The following MCM8 variants were observed in gnomAD, a reference collection of about 807,000 sequenced individuals.
MCM8 encodes minichromosome maintenance 8 homologous recombination repair factor.
MCM8 carries 85 observed loss-of-function variants against 98.9 expected under a neutral mutation model. The ratio of observed to expected loss-of-function variants is 0.86; its 90% CI spans 0.72 to 1.03. The LOEUF (loss-of-function observed/expected upper bound fraction) is 1.03, where lower values mean the gene tolerates loss of function less well. Ranked by LOEUF, MCM8 falls within the 50% of genes least tolerant of loss-of-function variation. The pLI is 0.00. For missense variants in MCM8, 951 were observed against 997.8 expected, an observed-to-expected ratio of 0.95 and a Z score of 0.63; for synonymous variants, 352 against 338.6, an observed-to-expected ratio of 1.04 and a Z score of -0.44.
chr20:5,963,685 G>A (rs1022939990), intron 8 of MCM8, among the ~76,000 whole-genome samples: 15 of 151,944 alleles, frequency 9.9e-5, no homozygotes, highest in Middle Eastern at 3.4e-3. Context: ...CCACCACAAT[G>A]CCTGGCTAAT....
intron 3 of MCM8, 120 bp from the exon 4 acceptor site, chr20:5,954,488 C>G (rs1287715612): frequency 2.0e-6 from 1 of 508,306 alleles, no homozygotes; most frequent in Admixed American, 3.4e-5. Context: ...TGAATGTAAT[C>G]AAAATACAAA....
At chr20:5,978,707 G>C (rs574762918) in intron 13 of MCM8, among the ~76,000 whole-genome samples, 1 of 152,098 alleles carries the variant, frequency 6.6e-6, no homozygotes, top group African/African-American at 2.4e-5. Flanking sequence ...ACAGGTGTGC[G>C]TGACCACATC....
chr20:5,991,617 T>C (rs558919126), intron 17 of MCM8: 8 of 152,370 alleles, frequency 5.3e-5, no homozygotes, highest in Non-Finnish European at 8.8e-5. Context: ...CCTGACACTA[T>C]GTTCATGGTA....
intron 7 of MCM8, among the ~76,000 whole-genome samples, chr20:5,961,537 G>A (rs1354445803): frequency 6.6e-6 from 1 of 152,208 alleles, no homozygotes; most frequent in Non-Finnish European, 1.5e-5. Context: ...ATAATCAGTG[G>A]TGTTGATAGA....
Position 5,993,592 on chromosome 20 carries a change from C to G in MCM8, c.2327C>G (p.Ala776Gly). Residue 776 changes from alanine to glycine, a missense_variant, in exon 18 of 19, where the codon GCG becomes GGG. Physicochemically the swap from Ala to Gly is moderately conservative, Grantham distance 60. Transcript: ENST00000610722. The part of the protein sequence containing the change: ...HGSGMSNRST[A>G]KRFISALNNV... The stretch of plus-strand genomic sequence containing the variant: ...TCTGGAATGAGCAACAGGTCAACAG[C>G]GAAAAGATTTATTTCTGCTCTCAAC... 2 of 1,612,244 alleles carry G rather than the reference C, an allele frequency of 1.2e-6. No homozygotes were observed. The highest frequency in any genetic ancestry group is 1.7e-6 in the Non-Finnish European group (2 of 1,178,736).
intron 8 of MCM8, chr20:5,965,469 CTTA>C (rs938378464): frequency 2.0e-5 from 3 of 152,140 alleles, no homozygotes; most frequent in Admixed American, 1.3e-4. Context: ...CTGGTAAGTC[CTTA>C]TTATGGCGGT....
At chr20:5,958,007 TC>T (rs200713657) in intron 6 of MCM8, among the ~76,000 whole-genome samples, 4 of 152,042 alleles carry the variant, frequency 2.6e-5, no homozygotes, top group Admixed American at 2.0e-4. Flanking sequence ...TCCTTAAATT[TC>T]TTTTTTCTTT....
rs1258984273 is a variant in MCM8 at position 5,977,982 on chromosome 20, C to T, written c.1502C>T (p.Ala501Val). ...AAAGATAGTTCCTCTGGAGATTTTG[C>T]TTTGGAAGCTGGTGCCCTGGTACTT... ...LSKDSSSGDF[A>V]LEAGALVLGD... Residue 501 changes from alanine (A) to valine (V), a missense_variant, in exon 13 of 19, where the codon GCT (alanine) becomes GTT (valine). Transcript: ENST00000610722. 1 of 1,614,066 alleles carries T rather than the reference C, an allele frequency of 6.2e-7. No homozygotes were observed. Among genetic ancestry groups the T allele is most frequent in the African/African-American group, 1.3e-5 (1 of 74,936 alleles).
chr20:5,962,047 A>G (rs995627067), intron 7 of MCM8, among the ~76,000 whole-genome samples: 2 of 152,142 alleles, frequency 1.3e-5, no homozygotes, highest in Admixed American at 6.5e-5. Context: ...CCTCTCATGG[A>G]GTTGTAGTCA....
chr20:5,983,332 A>G (rs749876445), intron 14 of MCM8, among the ~76,000 whole-genome samples, 167 bp downstream of exon 14: 9 of 152,240 alleles, frequency 5.9e-5, no homozygotes, highest in Admixed American at 1.3e-4. Flanking sequence ...GAGTAAAACA[A>G]TGAAGTACGA....
At chr20:5,985,036 T>C in intron 15 of MCM8, 36 bp downstream of exon 15, 1 of 1,558,570 alleles carries the variant, frequency 6.4e-7, no homozygotes, top group Non-Finnish European at 8.8e-7. Flanking sequence ...AGTTTGGTTC[T>C]GTTTGAATGT....
intron 8 of MCM8, among the ~76,000 whole-genome samples, chr20:5,963,564 T>C (rs1243719276): frequency 6.7e-6 from 1 of 148,244 alleles, no homozygotes; most frequent in African/African-American, 2.5e-5. Context: ...AGTCTTGCTC[T>C]GTCACCCAGG....
Position 5,967,860 on chromosome 20 carries a change from TC to T in MCM8, c.1060del (p.Leu354PhefsTer29), listed in dbSNP as rs1336630727. ...CGAAATAAGAATGACAAGTGTATGT[TC>T]CTTTTGTATATTGAAGCAAATTCTA... is the stretch of plus-strand genomic sequence containing the variant. ...GSRNKNDKCM[F>X]LLYIEANSIS... On this transcript the variant is annotated frameshift_variant, in exon 10 of 19. Transcript: ENST00000610722. LOFTEE classifies it high-confidence loss of function. The T allele has an allele frequency of 3.1e-6, 5 of 1,611,854 alleles. No homozygotes were observed. Among genetic ancestry groups the T allele is most frequent in the African/African-American group, 1.3e-5 (1 of 74,840 alleles).
At position 5,982,949 on chromosome 20, in the gene MCM8, T is replaced by A. The variant is rs1334941044; in HGVS notation, c.1538-21T>A. On this transcript the variant is annotated intron_variant, in intron 13 of 18. Transcript: ENST00000610722. ...ACCAAAGAAAAAATGTTTTTTCTGCTTTATTCTACTTCGATTGTAGGTATT... is the reference window on the plus strand; with the variant it reads ...ACCAAAGAAAAAATGTTTTTTCTGCATTATTCTACTTCGATTGTAGGTATT... 6.3e-6 allele frequency: 10 copies of A among 1,588,544 alleles called. No individual in the cohort carries two copies. The African/African-American group carries it at 1.1e-4, about 17-fold the overall frequency.
intron 17 of MCM8, among the ~76,000 whole-genome samples, chr20:5,992,129 T>C (rs188891653): frequency 6.6e-6 from 1 of 152,256 alleles, no homozygotes; most frequent in East Asian, 1.9e-4. Flanking sequence ...AGGTGAAAGA[T>C]CATTGTTTTT....
intron 15 of MCM8, 146 bp from the exon 16 acceptor site, chr20:5,985,776 C>G: frequency 1.4e-6 from 1 of 701,552 alleles, no homozygotes; most frequent in Non-Finnish European, 2.4e-6. Flanking sequence ...GAACTCCTGA[C>G]CTCAGGTGAT....
In MCM8 at chr20:5,952,487, G is replaced by T. The variant is rs763054819; in HGVS notation, c.212G>T (p.Arg71Leu). ...CAGTCAATGCAGTCAACATTGGATC[G>T]ATTCATACCATATAAAGGCTGGAAG... ...TPQSMQSTLDRFIPYKGWKLY... is the reference protein window; with the variant it reads ...TPQSMQSTLDLFIPYKGWKLY... The change falls in exon 3 of 19, where the codon CGA becomes CTA. Residue 71 changes from arginine to leucine, a missense_variant. Transcript: ENST00000610722. 6.2e-7 allele frequency: 1 copy of T among 1,613,924 alleles called. No homozygotes were observed. The highest frequency in any genetic ancestry group is 8.5e-7 in the Non-Finnish European group (1 of 1,179,958).
At chr20:5,956,255 C>G (rs544668746) in intron 5 of MCM8, among the ~76,000 whole-genome samples, 1 of 152,256 alleles carries the variant, frequency 6.6e-6, no homozygotes, top group Admixed American at 6.5e-5. Context: ...GCTCAGTTGT[C>G]TGTCTGTAAA....
intron 7 of MCM8, among the ~76,000 whole-genome samples, chr20:5,958,986 G>T (rs180670637): frequency 7.1e-6 from 1 of 141,586 alleles, no homozygotes; most frequent in East Asian, 2.0e-4. Flanking sequence ...GGCACAATTA[G>T]TGTCTGTTTT....
Sources: allele counts gnomAD v4.1 joint callset (sites outside exome capture counted in the v4.1 genomes callset), GRCh38; gene constraint gnomAD v4.1.1; transcripts MANE v1.5; gene names NCBI Gene and HGNC (gene_info 2026-07-23, HGNC 2026-07-21).